Variants in CACNA1E observed in about 807,000 individuals in gnomAD.
The protein encoded by CACNA1E is calcium voltage-gated channel subunit alpha1 E.
Under a neutral mutation model 259.2 loss-of-function variants are expected in CACNA1E, and 40 were observed. The observed-to-expected ratio is 0.15, with a 90% CI of 0.12 to 0.20. The LOEUF (loss-of-function observed/expected upper bound fraction) is 0.20. Among genes scored for constraint, CACNA1E ranks in the 10% least tolerant of loss-of-function variants. CACNA1E has a pLI of 1.00. For missense variants in CACNA1E, 1,874 were observed against 3,040.1 expected, an observed-to-expected ratio of 0.62 and a Z score of 9.02; for synonymous variants, 1,104 against 1,138.5, an observed-to-expected ratio of 0.97 and a Z score of 0.61.
Position 181,716,081 on chromosome 1 carries a change from A to G in CACNA1E, c.1267A>G (p.Met423Val), listed in dbSNP as rs746405819. ...CATCAAGAGGAGCCGGACAGAGGCC[A>G]TGACTCGAGACTCCAGTGATGAGCA... is the stretch of plus-strand genomic sequence containing the variant. ...ATIKRSRTEAMTRDSSDEHCV... is the reference protein window; with the variant it reads ...ATIKRSRTEAVTRDSSDEHCV... The change falls in exon 10 of 48, where the codon ATG (methionine) becomes GTG (valine). Residue 423 changes from methionine to valine, a missense_variant. Physicochemically the swap from Met to Val is conservative, Grantham distance 21 (BLOSUM62 1). Around this residue, in one of 14 missense-constraint regions of CACNA1E, gnomAD observed 157 missense variants for 203.5 expected, o/e 0.77. Transcript: ENST00000367573. The G allele has an allele frequency of 4.4e-6, 7 of 1,574,090 alleles. No homozygotes were observed. In the East Asian group the frequency reaches 1.4e-4, roughly 32 times the overall value.
chr1:181,626,179 T>G (rs563289134), intron 6 of CACNA1E, among the ~76,000 whole-genome samples: 1 of 152,226 alleles, frequency 6.6e-6, no homozygotes, highest in African/African-American at 2.4e-5. Context: ...AATGAAAAAT[T>G]TTGAAATATT....
At chr1:181,428,573 G>A (rs1468076311) in intron 2 of CACNA1E, among the ~76,000 whole-genome samples, 2 of 152,108 alleles carry the variant, frequency 1.3e-5, no homozygotes, top group Non-Finnish European at 2.9e-5. Flanking sequence ...GGCAGGAATG[G>A]GAGTTTTAGT....
intron 7 of CACNA1E, among the ~76,000 whole-genome samples, chr1:181,675,002 TA>T (rs200408126): frequency 0.028 from 4,224 of 152,306 alleles, 187 homozygotes; most frequent in African/African-American, 0.097. Context: ...GTGTTATAAT[TA>T]AACAATCAAT....
rs1662059478 is a variant in CACNA1E at position 181,798,887 on chromosome 1, A to G, written c.*53A>G. 6.9e-7 allele frequency: 1 copy of G among 1,446,430 alleles called. No homozygotes were observed. Among genetic ancestry groups the G allele is most frequent in the African/African-American group, 1.4e-5 (1 of 70,868 alleles). 89.6% of individuals were successfully genotyped at this position (1,446,430 alleles called of 1,614,324 possible). ...CTTCTCTCACATGGAGAAAACCAAG[A>G]CAGAATTGGGAAGCCAGTGCGGCCC... is the stretch of plus-strand genomic sequence containing the variant. On this transcript the variant is annotated 3_prime_UTR_variant, in exon 48 of 48. Transcript: ENST00000367573. The surrounding 1 kb of genome is among the most constrained non-coding windows in gnomAD (Gnocchi z 4.2).
intron 1 of CACNA1E, among the ~76,000 whole-genome samples, chr1:181,359,022 A>T (rs968921078): frequency 6.6e-6 from 1 of 152,210 alleles, no homozygotes; most frequent in Non-Finnish European, 1.5e-5. Context: ...ATGTTTGATC[A>T]GTGGCTTAGC....
intron 18 of CACNA1E, among the ~76,000 whole-genome samples, chr1:181,728,749 G>A (rs1377000078): frequency 6.6e-6 from 1 of 151,828 alleles, no homozygotes; most frequent in Non-Finnish European, 1.5e-5. Context: ...AGGTGTGTGT[G>A]CATTTTGCTC....
chr1:181,751,728 G>T (rs1657615363), intron 26 of CACNA1E, among the ~76,000 whole-genome samples: 2 of 152,178 alleles, frequency 1.3e-5, no homozygotes, highest in Admixed American at 6.5e-5. Context: ...GGCACAGTAG[G>T]GATCTGAAGT....
At chr1:181,743,535 A>G (rs3753745) in intron 25 of CACNA1E, among the ~76,000 whole-genome samples, 128,980 of 152,258 alleles carry the variant, frequency 0.85, 54,721 homozygotes, top group South Asian at 0.9. Context: ...GGGAGGTCAC[A>G]TAACCACTAC....
rs1363063558 is a variant in CACNA1E, at chr1:181,584,670, CTT to C, written c.951+3896_951+3897del. Among the ~76,000 whole-genome samples, 10 of 152,218 alleles carry C rather than the reference CTT, an allele frequency of 6.6e-5. No homozygotes were observed. The East Asian group carries it at 1.9e-3, about 29-fold the overall frequency. ...GCAGTTGATGAAAAACTACCATTCT[CTT>C]TATGAAGTTCCTCTCATTTTGTGGT... On this transcript the variant is annotated intron_variant, in intron 6 of 47. Transcript: ENST00000367573.
At position 181,611,875 on chromosome 1, in the gene CACNA1E, A is replaced by G. The variant is rs548915657; in HGVS notation, c.951+31099A>G. Among the ~76,000 whole-genome samples, 11 of 152,350 alleles carry G rather than the reference A, an allele frequency of 7.2e-5. No homozygotes were observed. The East Asian group carries it at 1.2e-3, about 16-fold the overall frequency. ...TTGTATATGATCATTCTAGTATGCAACCAACTCTCTGTGATCATCTCTGAT... is the reference window on the plus strand; with the variant it reads ...TTGTATATGATCATTCTAGTATGCAGCCAACTCTCTGTGATCATCTCTGAT... On this transcript the variant is annotated intron_variant, in intron 6 of 47. Transcript: ENST00000367573.
At chr1:181,531,577 T>C (rs613024) in intron 3 of CACNA1E, among the ~76,000 whole-genome samples, 25,260 of 152,132 alleles carry the variant, frequency 0.17, 2,257 homozygotes, top group African/African-American at 0.22. Flanking sequence ...GCGGGAGGTA[T>C]GGAAATCATG....
chr1:181,715,500 T>C (rs972939370), intron 9 of CACNA1E, 109 bp downstream of exon 9: 2 of 682,630 alleles, frequency 2.9e-6, no homozygotes, highest in African/African-American at 1.8e-5. Flanking sequence ...TGTTCTGGGA[T>C]TGGAAATGAG....
chr1:181,776,325 C>T lies in CACNA1E; in HGVS notation c.5267+97C>T, dbSNP rs763383875. 7.2e-6 allele frequency: 9 copies of T among 1,256,442 alleles called. No individual in the cohort carries two copies. In the South Asian group the frequency reaches 8.5e-5, roughly 12 times the overall value. 77.8% of individuals were successfully genotyped at this position (1,256,442 alleles called of 1,614,324 possible). On this transcript the variant is annotated intron_variant, in intron 38 of 47. Coordinates refer to ENST00000367573, the MANE Select transcript of CACNA1E (RefSeq NM_001205293.3). The surrounding 1 kb of genome is among the most constrained non-coding windows in gnomAD (Gnocchi z 4.4). ...GAATTGGAGCCACCCAAATGCCTGC[C>T]TGTTACAGAAGGAAAGGAGATTCCT...
intron 1 of CACNA1E, among the ~76,000 whole-genome samples, chr1:181,382,359 A>G (rs1166996440): frequency 2.0e-5 from 3 of 152,222 alleles, no homozygotes; most frequent in Non-Finnish European, 4.4e-5. Context: ...ATAGAAAGTT[A>G]TCAATGGGTT....
At chr1:181,748,298 T>C (rs1657286117) in intron 25 of CACNA1E, among the ~76,000 whole-genome samples, 1 of 152,158 alleles carries the variant, frequency 6.6e-6, no homozygotes, top group African/African-American at 2.4e-5. Flanking sequence ...GAGACAATGG[T>C]GAGTTTGCAT....
At chr1:181,501,128 T>C (rs1399616164) in intron 1 of CACNA1E, among the ~76,000 whole-genome samples, 1 of 152,230 alleles carries the variant, frequency 6.6e-6, no homozygotes, top group East Asian at 1.9e-4. Context: ...TTTTTCCCTT[T>C]TCTGTAGCGT....
chr1:181,699,329 A>T (rs1652005897), intron 7 of CACNA1E, among the ~76,000 whole-genome samples: 1 of 152,216 alleles, frequency 6.6e-6, no homozygotes, highest in South Asian at 2.1e-4. Context: ...TAGCTGAACA[A>T]GGTAGCTTTT....
chr1:181,619,923 C>T (rs1450457309), intron 6 of CACNA1E, among the ~76,000 whole-genome samples: 2 of 151,950 alleles, frequency 1.3e-5, no homozygotes, highest in Non-Finnish European at 2.9e-5. Context: ...CAGGTTTAAA[C>T]GTGAAGTTGG....
chr1:181,380,279 A>G (rs1655372061), intron 1 of CACNA1E, among the ~76,000 whole-genome samples: 1 of 152,014 alleles, frequency 6.6e-6, no homozygotes, highest in South Asian at 2.1e-4. Context: ...ATAAAGACAC[A>G]AACTTTATAG....
Sources: allele counts gnomAD v4.1 joint callset (sites outside exome capture counted in the v4.1 genomes callset), GRCh38; gene constraint gnomAD v4.1.1; regional missense constraint gnomAD v4.1.1; non-coding constraint Gnocchi (gnomAD v3.1); transcripts MANE v1.5; gene names NCBI Gene and HGNC (gene_info 2026-07-23, HGNC 2026-07-21).